The following CHSY3 variants were observed in gnomAD, a reference collection of about 807,000 sequenced individuals.
CHSY3 encodes chondroitin sulfate synthase 3.
A neutral mutation model predicts 67.2 loss-of-function variants in CHSY3; 35 were observed. The ratio of observed to expected loss-of-function variants is 0.52; its 90% confidence interval spans 0.40 to 0.69. The LOEUF is 0.69. Ranked by LOEUF, CHSY3 falls within the 30% of genes least tolerant of loss-of-function variation. CHSY3 has a pLI of 0.00. For missense variants in CHSY3, 1,069 were observed against 1,138.5 expected, an observed-to-expected ratio of 0.94 and a Z score of 0.88; for synonymous variants, 474 against 434.7, an observed-to-expected ratio of 1.09 and a Z score of -1.12.
intron 1 of CHSY3, among the ~76,000 whole-genome samples, chr5:129,907,579 G>T (rs1388456869): frequency 6.6e-6 from 1 of 152,090 alleles, no homozygotes; most frequent in East Asian, 1.9e-4. Flanking sequence ...TTCAAGACAG[G>T]TTTGATTCAA....
intron 2 of CHSY3, among the ~76,000 whole-genome samples, chr5:129,917,673 G>A (rs1020156648): frequency 1.3e-5 from 2 of 152,262 alleles, no homozygotes; most frequent in Non-Finnish European, 2.9e-5. Flanking sequence ...CCTCGTGGGA[G>A]TGGGATAATG....
chr5:129,979,016 G>A (rs1201158420), intron 2 of CHSY3, among the ~76,000 whole-genome samples: 1 of 151,496 alleles, frequency 6.6e-6, no homozygotes, highest in Non-Finnish European at 1.5e-5. Flanking sequence ...GGCTAACACG[G>A]TGAAACCCCC....
chr5:130,073,760 G>C (rs755416502), intron 2 of CHSY3, among the ~76,000 whole-genome samples: 1 of 152,076 alleles, frequency 6.6e-6, no homozygotes, highest in South Asian at 2.1e-4. Flanking sequence ...TTACATTGTC[G>C]TATTAATCTA....
chr5:130,146,373 C>T (rs1357412219), intron 2 of CHSY3, among the ~76,000 whole-genome samples: 1 of 152,058 alleles, frequency 6.6e-6, no homozygotes, highest in Non-Finnish European at 1.5e-5. Flanking sequence ...ACTGCATGAT[C>T]TCACTCATAC....
At chr5:130,142,525 T>C (rs1768900232) in intron 2 of CHSY3, among the ~76,000 whole-genome samples, 1 of 152,208 alleles carries the variant, frequency 6.6e-6, no homozygotes, top group African/African-American at 2.4e-5. Context: ...GAAATTATTT[T>C]AAAGTAAGGC....
chr5:130,030,244 T>G (rs772514968), intron 2 of CHSY3, among the ~76,000 whole-genome samples: 5 of 152,170 alleles, frequency 3.3e-5, no homozygotes, highest in Non-Finnish European at 7.4e-5. Context: ...GTGTCATAGT[T>G]TTCTGGTTAT....
intron 2 of CHSY3, among the ~76,000 whole-genome samples, chr5:130,054,371 A>G (rs1215676471): frequency 6.6e-6 from 1 of 152,104 alleles, no homozygotes; most frequent in Non-Finnish European, 1.5e-5. Context: ...AAATATATTA[A>G]TATTTATTAG....
rs775584977 is a variant in CHSY3 at position 130,185,256 on chromosome 5, C to T, written c.2114C>T (p.Ser705Phe). 8 of 1,607,524 alleles carry T rather than the reference C, an allele frequency of 5.0e-6. No individual in the cohort carries two copies. In the African/African-American group the frequency reaches 5.3e-5, roughly 11 times the overall value. The stretch of plus-strand genomic sequence containing the variant: ...AGAGGTCTTGGTCTTGAAATGGCTT[C>T]TGCCCAGTTTGACAATGACACTTTG... ...FSRGLGLEMA[S>F]AQFDNDTLLL... is the part of the protein sequence containing the mutation. Residue 705 changes from serine (S) to phenylalanine (F), a missense_variant, in exon 3 of 3, where the codon TCT becomes TTT. Physicochemically the swap from Ser to Phe is radical, Grantham distance 155. This residue lies in a region of CHSY3 where 401 missense variants were observed against 395.2 expected (regional missense o/e 1.01). Coordinates refer to ENST00000305031, the MANE Select transcript of CHSY3 (RefSeq NM_175856.5).
In CHSY3 at chr5:130,012,314, T is replaced by G. The variant is rs560080427; in HGVS notation, c.1086+103954T>G. ...CTGCACACCTACAAGCATCAGATCTTATACAAAGCCAACAAAAACAAGCAC... is the reference window on the plus strand; with the variant it reads ...CTGCACACCTACAAGCATCAGATCTGATACAAAGCCAACAAAAACAAGCAC... On this transcript the variant is annotated intron_variant, in intron 2 of 2. Transcript: ENST00000305031. 1.5e-4 allele frequency among the ~76,000 whole-genome samples: 23 copies of G among 152,306 alleles called. No homozygotes were observed. In the South Asian group the frequency reaches 4.8e-3, roughly 32 times the overall value.
intron 2 of CHSY3, among the ~76,000 whole-genome samples, chr5:129,949,801 G>A (rs573186074): frequency 6.6e-6 from 1 of 152,190 alleles, no homozygotes; most frequent in Admixed American, 6.5e-5. Context: ...AACAAGGGTG[G>A]TTCAACATAC....
intron 2 of CHSY3, among the ~76,000 whole-genome samples, chr5:129,996,593 G>C (rs577258413): frequency 6.6e-6 from 1 of 152,260 alleles, no homozygotes; most frequent in Non-Finnish European, 1.5e-5. Flanking sequence ...TTTTAAAAAT[G>C]CACAGCAAAG....
At chr5:130,106,143 A>G (rs1232319178) in intron 2 of CHSY3, among the ~76,000 whole-genome samples, 1 of 151,734 alleles carries the variant, frequency 6.6e-6, no homozygotes, top group African/African-American at 2.4e-5. Flanking sequence ...ATTGCCAATT[A>G]TGTTATTTTA....
At chr5:130,135,860 A>G (rs1768643786) in intron 2 of CHSY3, among the ~76,000 whole-genome samples, 2 of 152,222 alleles carry the variant, frequency 1.3e-5, no homozygotes, top group Admixed American at 1.3e-4. Flanking sequence ...AAAATCCATT[A>G]TTATTTTGCG....
intron 2 of CHSY3, among the ~76,000 whole-genome samples, chr5:129,950,450 G>A (rs1191444874): frequency 1.3e-5 from 2 of 152,142 alleles, no homozygotes; most frequent in African/African-American, 4.8e-5. Context: ...AGAAAGAAAA[G>A]GCATCTAAAT....
intron 2 of CHSY3, among the ~76,000 whole-genome samples, chr5:130,114,734 A>G (rs1767727563): frequency 6.6e-6 from 1 of 152,088 alleles, no homozygotes; most frequent in African/African-American, 2.4e-5. Flanking sequence ...TCTCCTTGCC[A>G]TTTTCAAAAT....
intron 2 of CHSY3, among the ~76,000 whole-genome samples, chr5:130,059,312 C>T (rs1421238452): frequency 2.6e-5 from 4 of 152,098 alleles, no homozygotes; most frequent in East Asian, 3.9e-4. Context: ...GCCAGCCTGC[C>T]GTGTGGATTT....
At chr5:129,939,481 T>C (rs1230814889) in intron 2 of CHSY3, among the ~76,000 whole-genome samples, 2 of 152,242 alleles carry the variant, frequency 1.3e-5, no homozygotes, top group African/African-American at 2.4e-5. Context: ...TACCTTTTCA[T>C]TTATTTCCTT....
At chr5:129,981,650 C>T (rs1426122352) in intron 2 of CHSY3, among the ~76,000 whole-genome samples, 1 of 152,088 alleles carries the variant, frequency 6.6e-6, no homozygotes, top group Admixed American at 6.6e-5. Flanking sequence ...TCCTGAGTAG[C>T]TGGAATTACA....
chr5:129,997,121 TAAA>T (rs35540828), intron 2 of CHSY3, among the ~76,000 whole-genome samples: 2 of 145,760 alleles, frequency 1.4e-5, no homozygotes, highest in African/African-American at 5.0e-5. Context: ...TCAAAGCATT[TAAA>T]AAAAAAAAAA....
Sources: gnomAD v4.1 joint callset for allele counts (sites outside exome capture counted in the v4.1 genomes callset) on GRCh38, gnomAD v4.1.1 for gene constraint, gnomAD v4.1.1 regional missense constraint, MANE v1.5 for transcripts, NCBI Gene and HGNC (gene_info 2026-07-23, HGNC 2026-07-21) for gene names.